Variants in NCKAP5 observed in about 807,000 individuals in gnomAD.
NCKAP5 encodes the protein nck-associated protein 5.
NCKAP5 carries 92 observed loss-of-function variants against 167.0 expected under a neutral mutation model. The ratio of observed to expected loss-of-function variants is 0.55; its 90% CI spans 0.47 to 0.66. The LOEUF (loss-of-function observed/expected upper bound fraction) is 0.66, where lower values mean the gene tolerates loss of function less well. NCKAP5 is among the 30% of genes least tolerant of loss of function. NCKAP5 has a pLI of 0.00. For synonymous variants in NCKAP5, 891 were observed against 877.4 expected, an observed-to-expected ratio of 1.02 and a Z score of -0.27; for missense variants, 2,378 against 2,315.0, an observed-to-expected ratio of 1.03 and a Z score of -0.56.
intron 3 of NCKAP5, among the ~76,000 whole-genome samples, chr2:133,416,656 CAA>C (rs551476353): frequency 8.6e-5 from 11 of 127,444 alleles, no homozygotes; most frequent in Non-Finnish European, 8.6e-5. Context: ...TGGCATTATG[CAA>C]AAAAAAAAAA....
chr2:133,092,924 C>G (rs1158073147), intron 6 of NCKAP5, among the ~76,000 whole-genome samples: 1 of 152,162 alleles, frequency 6.6e-6, no homozygotes, highest in African/African-American at 2.4e-5. Flanking sequence ...ATAATCTGAG[C>G]AAGGCAGCAG....
At chr2:132,743,538 A>G (rs922589825) in intron 16 of NCKAP5, among the ~76,000 whole-genome samples, 4 of 151,744 alleles carry the variant, frequency 2.6e-5, no homozygotes, top group Admixed American at 2.6e-4. Flanking sequence ...ACAGGAAAAT[A>G]GAGAGGTATA....
At chr2:132,690,097 T>C (rs1208212007) in intron 19 of NCKAP5, among the ~76,000 whole-genome samples, 1 of 152,182 alleles carries the variant, frequency 6.6e-6, no homozygotes, top group Non-Finnish European at 1.5e-5. Context: ...CAATGTTATT[T>C]TTTTATAACA....
intron 11 of NCKAP5, among the ~76,000 whole-genome samples, chr2:132,840,292 T>TTTTG (rs770227651): frequency 0.051 from 7,533 of 147,306 alleles, 240 homozygotes; most frequent in East Asian, 0.16. Flanking sequence ...TTTTTTTTTT[T>TTTTG]TGAGATAGAG....
upstream of NCKAP5, among the ~76,000 whole-genome samples, chr2:133,571,977 A>G (rs2105071921): frequency 1.3e-5 from 1 of 79,998 alleles, no homozygotes; most frequent in East Asian, 4.2e-4. Context: ...CTCCATCTCA[A>G]AAAAAAAAAA....
chr2:133,044,374 A>G (rs148195645), intron 6 of NCKAP5, among the ~76,000 whole-genome samples: 155 of 152,304 alleles, frequency 1.0e-3, no homozygotes, highest in South Asian at 2.5e-3. Context: ...CCCATACATC[A>G]ATAAGAACCC....
chr2:132,843,115 A>G (rs1237227034), intron 11 of NCKAP5, among the ~76,000 whole-genome samples: 1 of 152,198 alleles, frequency 6.6e-6, no homozygotes, highest in East Asian at 1.9e-4. Context: ...TATGGAGCTA[A>G]GGCATAATTT....
intron 19 of NCKAP5, among the ~76,000 whole-genome samples, chr2:132,693,889 G>A (rs1437732958): frequency 6.6e-6 from 1 of 151,880 alleles, no homozygotes; most frequent in Non-Finnish European, 1.5e-5. Flanking sequence ...CTCCCAAAGT[G>A]CTGGGATTAC....
At chr2:132,975,452 A>C (rs1324439871) in intron 7 of NCKAP5, among the ~76,000 whole-genome samples, 1 of 152,136 alleles carries the variant, frequency 6.6e-6, no homozygotes, top group Non-Finnish European at 1.5e-5. Context: ...TACACTAATA[A>C]ATTTTCAGAT....
chr2:133,353,554 T>C (rs970115713), intron 3 of NCKAP5, among the ~76,000 whole-genome samples: 2 of 152,172 alleles, frequency 1.3e-5, no homozygotes, highest in Admixed American at 1.3e-4. Flanking sequence ...TGGAGACCCA[T>C]GGCCCTAAGT....
chr2:132,978,125 G>A (rs529436633), intron 7 of NCKAP5, among the ~76,000 whole-genome samples: 1 of 152,300 alleles, frequency 6.6e-6, no homozygotes, highest in East Asian at 1.9e-4. Flanking sequence ...AATTAGAAAA[G>A]TCAGAATATG....
At chr2:132,989,112 G>A (rs2077379515) in intron 7 of NCKAP5, among the ~76,000 whole-genome samples, 1 of 152,228 alleles carries the variant, frequency 6.6e-6, no homozygotes, top group African/African-American at 2.4e-5. Context: ...CAATGAAGAA[G>A]TGCAGAAGGT....
At chr2:132,896,721 A>T (rs1693239573) in intron 8 of NCKAP5, among the ~76,000 whole-genome samples, 1 of 152,216 alleles carries the variant, frequency 6.6e-6, no homozygotes. Flanking sequence ...CAGTGATGCT[A>T]CCAAGGAGGT....
intron 6 of NCKAP5, among the ~76,000 whole-genome samples, chr2:133,071,772 T>C (rs2080414665): frequency 6.6e-6 from 1 of 152,308 alleles, no homozygotes; most frequent in African/African-American, 2.4e-5. Flanking sequence ...GGGTACCATA[T>C]GCTTTGAAAG....
At chr2:133,616,477 C>T in the NCKAP5 span, among the ~76,000 whole-genome samples, 1 of 150,950 alleles carries the variant, frequency 6.6e-6, no homozygotes, top group Non-Finnish European at 1.5e-5. Context: ...GATATCACCA[C>T]CGATCCCACA....
the NCKAP5 span, among the ~76,000 whole-genome samples, chr2:133,641,976 A>C: frequency 6.6e-6 from 1 of 152,304 alleles, no homozygotes; most frequent in South Asian, 2.1e-4. Flanking sequence ...TTATTGAGAA[A>C]AGAGGTTTAT....
At chr2:133,299,145 T>C (rs934859835) in intron 4 of NCKAP5, among the ~76,000 whole-genome samples, 1 of 152,188 alleles carries the variant, frequency 6.6e-6, no homozygotes, top group Non-Finnish European at 1.5e-5. Flanking sequence ...TTTCTATGTA[T>C]AGAAATAGAA....
chr2:133,224,924 C>T (rs545391021), intron 4 of NCKAP5, among the ~76,000 whole-genome samples: 1 of 152,082 alleles, frequency 6.6e-6, no homozygotes, highest in Non-Finnish European at 1.5e-5. Context: ...CACTTAATTT[C>T]TTAATTATTG....
At chr2:132,872,782 G>GCTT (rs1290694068) in intron 9 of NCKAP5, among the ~76,000 whole-genome samples, 1 of 152,220 alleles carries the variant, frequency 6.6e-6, no homozygotes, top group African/African-American at 2.4e-5. Flanking sequence ...GGTGTTCTAT[G>GCTT]CTTCTGATCT....
Sources: gnomAD v4.1 joint callset for allele counts (sites outside exome capture counted in the v4.1 genomes callset) on GRCh38, gnomAD v4.1.1 for gene constraint, MANE v1.5 for transcripts, NCBI Gene and HGNC (gene_info 2026-07-23, HGNC 2026-07-21) for gene names.